EYS: variants seen among roughly 807,000 people sequenced by gnomAD.
The protein encoded by EYS is EGF-like photoreceptor maintenance factor, also known as protein eyes shut homolog.
EYS carries 250 observed loss-of-function variants against 282.1 expected under a neutral mutation model. That is an observed-to-expected ratio of 0.89 (90% CI 0.80 to 0.98). The LOEUF (loss-of-function observed/expected upper bound fraction) is 0.98. EYS is among the 50% of genes least tolerant of loss of function. The pLI, the probability that EYS is intolerant of heterozygous loss-of-function variation, is 0.00. For synonymous variants in EYS, 1,355 were observed against 1,282.9 expected (o/e 1.06, Z -1.20); for missense variants, 4,016 against 3,709.0 (o/e 1.08, Z -2.15).
At chr6:65,598,359 G>T (rs1412270721) in intron 2 of EYS, among the ~76,000 whole-genome samples, 1 of 150,820 alleles carries the variant, frequency 6.6e-6, no homozygotes, top group African/African-American at 2.4e-5. Flanking sequence ...GATTTTCTAA[G>T]GGCACACACA....
chr6:65,658,747 C>T (rs979002953), intron 1 of EYS, among the ~76,000 whole-genome samples: 1 of 151,610 alleles, frequency 6.6e-6, no homozygotes, highest in Admixed American at 6.6e-5. Flanking sequence ...CCTTTCCTAA[C>T]TTTATATGGA....
intron 31 of EYS, among the ~76,000 whole-genome samples, chr6:64,091,177 C>T (rs780180839): frequency 1.3e-5 from 2 of 152,134 alleles, no homozygotes; most frequent in Non-Finnish European, 2.9e-5. Flanking sequence ...CATTAATATA[C>T]TTAAAGCATA....
rs1766375091 is a variant in EYS, at chr6:64,590,637, G to C, written c.5230C>G (p.Leu1744Val). 6.4e-7 allele frequency: 1 copy of C among 1,551,252 alleles called. No individual in the cohort carries two copies. Among genetic ancestry groups the C allele is most frequent in the Admixed American group, 2.0e-5 (1 of 50,964 alleles). Reference protein sequence around the residue: ...LFKLHPSDSSLDFELNLQIYP... With the variant: ...LFKLHPSDSSVDFELNLQIYP... ...ATTTGTAAGTTTAACTCAAAATCCAGAGAACTATCACTTGGGTGAAGTTTG... is the reference window on the plus strand; with the variant it reads ...ATTTGTAAGTTTAACTCAAAATCCACAGAACTATCACTTGGGTGAAGTTTG... The change falls in exon 26 of 43, where the codon CTG (leucine) becomes GTG (valine). Residue 1744 changes from leucine to valine, a missense_variant. By Grantham distance (32) the Leu-to-Val change is conservative. Transcript: ENST00000503581.
chr6:64,033,069 G>T (rs533055220), intron 33 of EYS, among the ~76,000 whole-genome samples: 1 of 152,166 alleles, frequency 6.6e-6, no homozygotes, highest in Admixed American at 6.5e-5. Context: ...CACTCAGGAG[G>T]TTACAAGAAT....
chr6:65,194,325 A>C (rs762773531), intron 12 of EYS, among the ~76,000 whole-genome samples: 1 of 151,986 alleles, frequency 6.6e-6, no homozygotes, highest in Non-Finnish European at 1.5e-5. Context: ...ATGAATTAGA[A>C]AAACGGTCTA....
At position 65,653,718 on chromosome 6, in the gene EYS, T is replaced by C. The variant is rs115695399; in HGVS notation, c.-447-13826A>G. Among the ~76,000 whole-genome samples the C allele has an allele frequency of 7.7e-3, 1,165 of 152,000 alleles. 19 individuals are homozygous for C. Among genetic ancestry groups the C allele is most frequent in the African/African-American group, 0.027 (1,105 of 41,506 alleles). On this transcript the variant is annotated intron_variant, in intron 1 of 42. Transcript: ENST00000503581. Reference sequence around the variant, plus strand: ...GCACTGTATCTCAAGGACAGGCAAATAGAGTCAGATTTTTGACATAGCCGA... The same window carrying C: ...GCACTGTATCTCAAGGACAGGCAAACAGAGTCAGATTTTTGACATAGCCGA...
chr6:65,064,457 GATATGATATATAGT>G (rs1293554410), intron 12 of EYS, among the ~76,000 whole-genome samples: 5 of 143,200 alleles, frequency 3.5e-5, no homozygotes, highest in African/African-American at 1.3e-4. Flanking sequence ...TACTGTATAT[GATATGATATATAGT>G]ATATGATATA....
chr6:64,440,417 A>C (rs1774900956), intron 26 of EYS, among the ~76,000 whole-genome samples: 1 of 152,048 alleles, frequency 6.6e-6, no homozygotes, highest in Admixed American at 6.6e-5. Context: ...AAGGTTCAAA[A>C]TAGTGCCAGG....
intron 39 of EYS, among the ~76,000 whole-genome samples, chr6:63,785,429 G>A (rs1212928919): frequency 6.6e-6 from 1 of 152,104 alleles, no homozygotes; most frequent in Non-Finnish European, 1.5e-5. Flanking sequence ...CCATTCATGA[G>A]CCTCATTCTG....
In EYS at chr6:65,192,223, A is replaced by G. The variant is rs187708083; in HGVS notation, c.2023+103640T>C. ...AAAAAACAAAAACACTCAATTAGAA[A>G]AAATATGGATAGCATTTCCCAGGAT... On this transcript the variant is annotated intron_variant, in intron 12 of 42. Transcript: ENST00000503581. Among the ~76,000 whole-genome samples the G allele has an allele frequency of 2.6e-4, 40 of 151,652 alleles. No individual in the cohort carries two copies. In the East Asian group the frequency reaches 7.6e-3, roughly 29 times the overall value.
chr6:64,712,336 G>C (rs1771241502), intron 22 of EYS, among the ~76,000 whole-genome samples: 1 of 152,192 alleles, frequency 6.6e-6, no homozygotes, highest in African/African-American at 2.4e-5. Context: ...TAGTTAAAGA[G>C]ATAAGAGTGT....
intron 26 of EYS, among the ~76,000 whole-genome samples, chr6:64,454,513 A>G (rs539123710): frequency 6.6e-6 from 1 of 152,132 alleles, no homozygotes; most frequent in South Asian, 2.1e-4. Flanking sequence ...CATGAGTTTG[A>G]TCTGTGCAGG....
chr6:64,931,288 T>G (rs1768714805), intron 15 of EYS, among the ~76,000 whole-genome samples: 1 of 152,158 alleles, frequency 6.6e-6, no homozygotes, highest in Non-Finnish European at 1.5e-5. Context: ...TATATAATTT[T>G]CTTCAAATAG....
intron 33 of EYS, among the ~76,000 whole-genome samples, chr6:64,004,956 C>T (rs1241812381): frequency 6.6e-6 from 1 of 152,064 alleles, no homozygotes; most frequent in East Asian, 1.9e-4. Context: ...GCAGAACAAT[C>T]TATATGCCTT....
intron 1 of EYS, among the ~76,000 whole-genome samples, chr6:65,642,520 A>T (rs1044334722): frequency 2.5e-5 from 3 of 119,888 alleles, no homozygotes; most frequent in Non-Finnish European, 3.8e-5. Context: ...TCTTCAAGAA[A>T]GCCAATCATT....
intron 13 of EYS, among the ~76,000 whole-genome samples, chr6:65,017,315 G>A (rs1290456243): frequency 6.6e-6 from 1 of 152,156 alleles, no homozygotes; most frequent in African/African-American, 2.4e-5. Flanking sequence ...TTTCCAGGTT[G>A]AATGCAAACA....
chr6:65,429,841 G>A (rs1767812340), intron 5 of EYS, among the ~76,000 whole-genome samples: 1 of 143,378 alleles, frequency 7.0e-6, no homozygotes, highest in African/African-American at 2.6e-5. Flanking sequence ...ATAGAGAAGA[G>A]ATACTTTTAA....
chr6:65,240,447 C>G (rs12205204), intron 12 of EYS, among the ~76,000 whole-genome samples: 6,411 of 152,196 alleles, frequency 0.042, 186 homozygotes, highest in Middle Eastern at 0.065. Context: ...TCCCAACCCT[C>G]TCTAGTAGCT....
intron 36 of EYS, among the ~76,000 whole-genome samples, chr6:63,811,984 TATA>T (rs1326904274): frequency 6.6e-6 from 1 of 152,228 alleles, no homozygotes; most frequent in Non-Finnish European, 1.5e-5. Flanking sequence ...TAGCCCAAAC[TATA>T]ATATTTGCTT....
Sources: gnomAD v4.1 joint callset for allele counts (sites outside exome capture counted in the v4.1 genomes callset) on GRCh38, gnomAD v4.1.1 for gene constraint, MANE v1.5 for transcripts, NCBI Gene and HGNC (gene_info 2026-07-23, HGNC 2026-07-21) for gene names.